Variants in PI4K2A observed in about 807,000 individuals in gnomAD.
PI4K2A encodes the protein phosphatidylinositol 4-kinase type 2-alpha.
Under a neutral mutation model 55.0 loss-of-function variants are expected in PI4K2A, and 20 were observed. That is an observed-to-expected ratio of 0.36 (90% CI 0.26 to 0.53). The LOEUF (loss-of-function observed/expected upper bound fraction) is 0.53. Ranked by LOEUF, PI4K2A falls within the 20% of genes least tolerant of loss-of-function variation. The pLI, the probability that PI4K2A is intolerant of heterozygous loss-of-function variation, is 0.91. For synonymous variants in PI4K2A, 235 were observed against 258.5 expected (o/e 0.91, Z 0.87); for missense variants, 463 against 637.1 (o/e 0.73, Z 2.94).
chr10:97,645,405 G>C (rs1052957299), intron 1 of PI4K2A, among the ~76,000 whole-genome samples: 10 of 152,014 alleles, frequency 6.6e-5, no homozygotes, highest in South Asian at 6.2e-4. Flanking sequence ...TCAGGAGATA[G>C]AGACCATCCT....
exon 1 of PI4K2A, chr10:97,640,796 C>T (rs763043226): frequency 4.2e-5 from 63 of 1,495,474 alleles, no homozygotes; most frequent in Non-Finnish European, 5.6e-5. Context: ...CCCCGGACTA[C>T]ACCTTCCCGT....
At chr10:97,664,474 G>A (rs2041600774) in intron 5 of PI4K2A, among the ~76,000 whole-genome samples, 1 of 152,222 alleles carries the variant, frequency 6.6e-6, no homozygotes, top group South Asian at 2.1e-4. Flanking sequence ...TGTCACCAGT[G>A]AAGTAACATC....
intron 1 of PI4K2A, among the ~76,000 whole-genome samples, chr10:97,650,284 T>TTTTTTTTC (rs1172123987): frequency 6.8e-6 from 1 of 146,012 alleles, no homozygotes; most frequent in African/African-American, 2.6e-5. Context: ...GTACCTTTTT[T>TTTTTTTTC]TTTTTTTTTT....
chr10:97,669,743 A>G (rs901322671), intron 8 of PI4K2A, among the ~76,000 whole-genome samples: 1 of 152,214 alleles, frequency 6.6e-6, no homozygotes, highest in African/African-American at 2.4e-5. Flanking sequence ...CTGAGCCATT[A>G]TTGCAGGATG....
chr10:97,642,128 C>G (rs1258923386), intron 1 of PI4K2A, among the ~76,000 whole-genome samples: 3 of 152,142 alleles, frequency 2.0e-5, no homozygotes, highest in Non-Finnish European at 2.9e-5. Flanking sequence ...GTCAAAGTTT[C>G]CTCAGATTTT....
chr10:97,674,391 G>A (rs2135765574), exon 9 of PI4K2A: 1 of 152,344 alleles, frequency 6.6e-6, no homozygotes, highest in South Asian at 2.1e-4. Context: ...GGAGGTTTTT[G>A]CTTTACCCCC....
chr10:97,673,599 G>T, exon 9 of PI4K2A: 3 of 1,613,966 alleles, frequency 1.9e-6, no homozygotes, highest in Non-Finnish European at 2.5e-6. Context: ...TCTGACCCAG[G>T]CCTTGAAAGA....
chr10:97,665,677 C>T (rs2041606621), intron 6 of PI4K2A, among the ~76,000 whole-genome samples: 1 of 151,950 alleles, frequency 6.6e-6, no homozygotes, highest in Non-Finnish European at 1.5e-5. Context: ...ACTGCAACCT[C>T]CTCCTCCTGG....
intron 4 of PI4K2A, 143 bp downstream of exon 4, chr10:97,657,117 TA>T: frequency 1.4e-6 from 1 of 718,620 alleles, no homozygotes; most frequent in Non-Finnish European, 2.3e-6. Flanking sequence ...GGCCTGGAGT[TA>T]GTATTTGCAT....
At chr10:97,654,408 T>C (rs552494353) in intron 2 of PI4K2A, among the ~76,000 whole-genome samples, 2 of 152,256 alleles carry the variant, frequency 1.3e-5, no homozygotes, top group East Asian at 3.9e-4. Context: ...AGGTAGTCTA[T>C]TAATACTAGA....
Position 97,673,564 on chromosome 10 carries a change from C to G in PI4K2A, c.1279-17C>G, listed in dbSNP as rs762500043. On this transcript the variant is annotated splice_polypyrimidine_tract_variant and intron_variant, in intron 8 of 8. Coordinates refer to ENST00000370631, the Ensembl canonical transcript of PI4K2A. ...GCTGAGGCCTCTCCCTCACCCATCT[C>G]CTTTTTCCCACTGCAGATCTTAAAT... 1 of 1,613,508 alleles carries G rather than the reference C, an allele frequency of 6.2e-7. No homozygotes were observed. The highest frequency in any genetic ancestry group is 1.1e-5 in the South Asian group (1 of 91,058).
At chr10:97,675,414 AG>A (rs2041658870) in exon 9 of PI4K2A, 1 of 152,472 alleles carries the variant, frequency 6.6e-6, no homozygotes, top group Non-Finnish European at 1.5e-5. Context: ...ACGAAGGTAC[AG>A]CTCGCCTGCC....
In PI4K2A at chr10:97,661,528, G is replaced by GT. The variant is rs369247796; in HGVS notation, c.923-1369dup. Among the ~76,000 whole-genome samples, 375 of 144,054 alleles carry GT rather than the reference G, an allele frequency of 2.6e-3. 1 individual carries two copies. The highest frequency in any genetic ancestry group is 7.3e-3 in the African/African-American group (289 of 39,348). 94.5% of individuals were successfully genotyped at this position (144,054 alleles called of 152,430 possible). A position where few individuals can be genotyped will look rare whatever the true frequency, so the allele number is the denominator to read the frequency against. On this transcript the variant is annotated intron_variant, in intron 4 of 8. Coordinates refer to ENST00000370631, the Ensembl canonical transcript of PI4K2A. ...CATTTGGTTAATATCTTTCCTTTCT[G>GT]TTTTTTTTTTGGAGATGGGATCTCA...
intron 8 of PI4K2A, among the ~76,000 whole-genome samples, chr10:97,673,127 C>T (rs1162218716): frequency 6.6e-6 from 1 of 152,130 alleles, no homozygotes; most frequent in Non-Finnish European, 1.5e-5. Context: ...GTTGGGACTA[C>T]AGGCGTGTGC....
At chr10:97,652,677 G>T (rs1395625516) in intron 2 of PI4K2A, among the ~76,000 whole-genome samples, 1 of 152,088 alleles carries the variant, frequency 6.6e-6, no homozygotes, top group Admixed American at 6.5e-5. Context: ...CTTCCCTTCC[G>T]TTTGAGAGGA....
chr10:97,671,314 CAG>C (rs1354295859), intron 8 of PI4K2A, among the ~76,000 whole-genome samples: 1 of 151,636 alleles, frequency 6.6e-6, no homozygotes, highest in Non-Finnish European at 1.5e-5. Flanking sequence ...GGACTGGACT[CAG>C]TGGCTCATGC....
chr10:97,665,535 A>T (rs536741311), intron 6 of PI4K2A, among the ~76,000 whole-genome samples: 1 of 152,204 alleles, frequency 6.6e-6, no homozygotes, highest in Non-Finnish European at 1.5e-5. Flanking sequence ...CAGCCTCCCA[A>T]AATGCTGGGA....
chr10:97,649,753 A>G (rs1330954022), intron 1 of PI4K2A, among the ~76,000 whole-genome samples: 1 of 149,860 alleles, frequency 6.7e-6, no homozygotes, highest in African/African-American at 2.4e-5. Flanking sequence ...CCTCCCGGGT[A>G]GCTGGGATTA....
At chr10:97,664,183 T>G (rs547312273) in intron 5 of PI4K2A, among the ~76,000 whole-genome samples, 1 of 152,282 alleles carries the variant, frequency 6.6e-6, no homozygotes, top group Admixed American at 6.5e-5. Context: ...AAACTCAGGA[T>G]TCTGCACATT....
Sources: gnomAD v4.1 joint callset for allele counts (sites outside exome capture counted in the v4.1 genomes callset) on GRCh38, gnomAD v4.1.1 for gene constraint, MANE v1.5 for transcripts, NCBI Gene and HGNC (gene_info 2026-07-23, HGNC 2026-07-21) for gene names.